The following ZNF326 variants were observed in gnomAD, a reference collection of about 807,000 sequenced individuals.
ZNF326 encodes the protein zinc finger protein 326.
A neutral mutation model predicts 63.1 loss-of-function variants in ZNF326; 30 were observed. The ratio of observed to expected loss-of-function variants is 0.48; its 90% CI spans 0.36 to 0.64. The LOEUF is 0.64. ZNF326 is among the 30% of genes least tolerant of loss of function. ZNF326 has a pLI of 0.00. For synonymous variants in ZNF326, 194 were observed against 228.2 expected, an observed-to-expected ratio of 0.85 and a Z score of 1.35; for missense variants, 609 against 720.3, an observed-to-expected ratio of 0.85 and a Z score of 1.77.
chr1:90,020,153 A>AT (rs1268262593), intron 9 of ZNF326, among the ~76,000 whole-genome samples: 1 of 152,016 alleles, frequency 6.6e-6, no homozygotes, highest in Non-Finnish European at 1.5e-5. Flanking sequence ...TGATCTCATT[A>AT]TTTCAGGAAC....
rs965076068 is a variant in ZNF326 at position 90,035,024 on chromosome 1, G to A, written c.*7323G>A. ...AATACCATAAGCTTGATAGATGCTCGAAAAACATTTCCTAAGATTGAACAC... is the reference window on the plus strand; with the variant it reads ...AATACCATAAGCTTGATAGATGCTCAAAAAACATTTCCTAAGATTGAACAC... On this transcript the variant is annotated 3_prime_UTR_variant, in exon 12 of 12. Coordinates refer to ENST00000340281, the MANE Select transcript of ZNF326 (RefSeq NM_182976.4). 6.6e-6 allele frequency: 1 copy of A among 152,070 alleles called. No individual in the cohort carries two copies. Among genetic ancestry groups the A allele is most frequent in the Non-Finnish European group, 1.5e-5 (1 of 68,000 alleles). The allele number at this position is 152,070 out of a possible 1,614,324, so 9.4% of individuals were successfully genotyped here. A position where few individuals can be genotyped will look rare whatever the true frequency, so the allele number is the denominator to read the frequency against.
intron 11 of ZNF326, among the ~76,000 whole-genome samples, chr1:90,022,974 C>T (rs190581443): frequency 1.2e-4 from 19 of 152,194 alleles, no homozygotes; most frequent in African/African-American, 4.6e-4. Flanking sequence ...TGGAATTTGG[C>T]GGGCGGGAGA....
intron 2 of ZNF326, 111 bp from the exon 3 acceptor site, chr1:90,004,892 G>T: frequency 1.8e-5 from 11 of 598,472 alleles, no homozygotes; most frequent in East Asian, 6.5e-5. Flanking sequence ...TAGTTTAAAT[G>T]TTAATGGTAA....
intron 1 of ZNF326, 151 bp downstream of exon 1, chr1:89,995,424 G>T (rs1418480725): frequency 9.2e-7 from 1 of 1,088,934 alleles, no homozygotes; most frequent in African/African-American, 1.7e-5. Flanking sequence ...CCCGGAGTCG[G>T]CCTCTTTGGG....
Position 90,007,840 on chromosome 1 carries a change from G to A in ZNF326, c.615+90G>A, listed in dbSNP as rs1035944980. ...ATCGTTTTCAACTAGAATAAACACTGTTCATCCCGGTGTATTTTGAAGCAA... is the reference window on the plus strand; with the variant it reads ...ATCGTTTTCAACTAGAATAAACACTATTCATCCCGGTGTATTTTGAAGCAA... On this transcript the variant is annotated intron_variant, in intron 5 of 11. Coordinates refer to ENST00000340281, the MANE Select transcript of ZNF326 (RefSeq NM_182976.4). This position sits in a 1 kb window ranked among gnomAD's most constrained non-coding sequence, Gnocchi z 4.9. 1.6e-6 allele frequency: 2 copies of A among 1,215,582 alleles called. No individual in the cohort carries two copies. The highest frequency in any genetic ancestry group is 1.5e-5 in the African/African-American group (1 of 64,712). 75.3% of individuals were successfully genotyped at this position (1,215,582 alleles called of 1,614,324 possible).
intron 4 of ZNF326, 187 bp downstream of exon 4, chr1:90,005,431 A>G (rs1648941302): frequency 1.5e-6 from 2 of 1,320,034 alleles, no homozygotes; most frequent in Non-Finnish European, 1.9e-6. Context: ...GGCAGACGTT[A>G]TTTTAGGAAA....
intron 5 of ZNF326, among the ~76,000 whole-genome samples, chr1:90,008,723 C>T (rs1455131912): frequency 6.6e-6 from 1 of 152,106 alleles, no homozygotes; most frequent in Non-Finnish European, 1.5e-5. Context: ...GTAGGGTACA[C>T]GTTTTTGACT....
chr1:90,006,318 GT>G, intron 4 of ZNF326: 1 of 976,310 alleles, frequency 1.0e-6, no homozygotes, highest in Non-Finnish European at 1.2e-6. Flanking sequence ...AACACTTAAT[GT>G]TTTAATATGT....
chr1:90,029,770 A>G lies in ZNF326; in HGVS notation c.*2069A>G, dbSNP rs965529425. The G allele has an allele frequency of 6.6e-6, 1 of 151,424 alleles. No individual in the cohort carries two copies. Among genetic ancestry groups the G allele is most frequent in the Non-Finnish European group, 1.5e-5 (1 of 67,928 alleles). The allele number at this position is 151,424 out of a possible 1,614,324, so 9.4% of individuals were successfully genotyped here. A position where few individuals can be genotyped will look rare whatever the true frequency, so the allele number is the denominator to read the frequency against. On this transcript the variant is annotated 3_prime_UTR_variant, in exon 12 of 12. Coordinates refer to ENST00000340281, the MANE Select transcript of ZNF326 (RefSeq NM_182976.4). ...TAAATAGTACTTTTTTGTGGGACGC[A>G]TGAGCCTTTATACAGCCTAGCTAAT...
At chr1:90,016,710 C>A (rs1649519489) in intron 7 of ZNF326, among the ~76,000 whole-genome samples, 1 of 149,870 alleles carries the variant, frequency 6.7e-6, no homozygotes, top group African/African-American at 2.5e-5. Context: ...GAGCGAGGCT[C>A]CATCTCAAAA....
chr1:90,026,667 G>A (rs987919302), intron 11 of ZNF326, among the ~76,000 whole-genome samples: 1 of 152,082 alleles, frequency 6.6e-6, no homozygotes, highest in Non-Finnish European at 1.5e-5. Context: ...TTGGTTCTCT[G>A]CTTCATCCTA....
chr1:90,005,263 T>TG lies in ZNF326; in HGVS notation c.209+21dup. 6.2e-7 allele frequency: 1 copy of TG among 1,602,762 alleles called. No individual in the cohort carries two copies. The stretch of plus-strand genomic sequence containing the variant: ...GTAGCAGGTAAATTGCTTAATCATT[T>TG]GGCCAAATAATTAGACAACTATAAG... On this transcript the variant is annotated intron_variant, in intron 4 of 11. Coordinates refer to ENST00000340281, the MANE Select transcript of ZNF326 (RefSeq NM_182976.4).
chr1:89,998,756 A>G (rs1475092852), intron 2 of ZNF326, among the ~76,000 whole-genome samples: 2 of 152,184 alleles, frequency 1.3e-5, no homozygotes, highest in Non-Finnish European at 2.9e-5. Context: ...CCTGCCACAC[A>G]AGATAATAAT....
rs948081186 is a variant in ZNF326, at chr1:89,996,398, A to T, written c.16+1125A>T. Among the ~76,000 whole-genome samples the T allele has an allele frequency of 5.3e-5, 8 of 152,246 alleles. No homozygotes were observed. In the South Asian group the frequency reaches 1.4e-3, roughly 28 times the overall value. On this transcript the variant is annotated intron_variant, in intron 1 of 11. Coordinates refer to ENST00000340281, the MANE Select transcript of ZNF326 (RefSeq NM_182976.4). ...TTTGATTTTTCATAACATTTCATGC[A>T]ACAAAGAATTAAAGCTTTCATATCT...
intron 2 of ZNF326, among the ~76,000 whole-genome samples, chr1:90,004,241 T>C (rs1380247634): frequency 6.6e-6 from 1 of 152,190 alleles, no homozygotes; most frequent in African/African-American, 2.4e-5. Flanking sequence ...TGTTGAGTCA[T>C]AATTTATAGG....
At chr1:90,020,756 T>A (rs371264861) in intron 9 of ZNF326, 36 bp from the exon 10 acceptor site, 219 of 1,579,788 alleles carry the variant, frequency 1.4e-4, no homozygotes, top group Non-Finnish European at 1.8e-4. Context: ...AAATAACATA[T>A]GAATTATTTC....
At position 90,033,546 on chromosome 1, in the gene ZNF326, G is replaced by C. The variant is rs1348189769; in HGVS notation, c.*5845G>C. On this transcript the variant is annotated 3_prime_UTR_variant, in exon 12 of 12. Transcript: ENST00000340281. ...TGTACTAATTTTAAAAATGCAAGTT[G>C]CTATAAAGAAGTATCTTGGAAATAA... 1 of 152,078 alleles carries C rather than the reference G, an allele frequency of 6.6e-6. No homozygotes were observed. The highest frequency in any genetic ancestry group is 1.5e-5 in the Non-Finnish European group (1 of 67,990). 9.4% of individuals were successfully genotyped at this position (152,078 alleles called of 1,614,324 possible).
rs1650351341 is a variant in ZNF326, at chr1:90,033,299, T to G, written c.*5598T>G. The G allele has an allele frequency of 6.6e-6, 1 of 151,960 alleles. No homozygotes were observed. Among genetic ancestry groups the G allele is most frequent in the Admixed American group, 6.6e-5 (1 of 15,236 alleles). 9.4% of individuals were successfully genotyped at this position (151,960 alleles called of 1,614,324 possible). On this transcript the variant is annotated 3_prime_UTR_variant, in exon 12 of 12. Transcript: ENST00000340281. ...TGACTCCTAGGCTCTCATTTGCAAG[T>G]AGACAAATGAGAAACAGCAAATATT...
intron 2 of ZNF326, among the ~76,000 whole-genome samples, chr1:90,002,141 C>T (rs1388044508): frequency 1.3e-5 from 2 of 152,154 alleles, no homozygotes; most frequent in South Asian, 4.1e-4. Flanking sequence ...CTTACATTAT[C>T]TGTAGCCCTA....
Sources: gnomAD v4.1 joint callset for allele counts (sites outside exome capture counted in the v4.1 genomes callset) on GRCh38, gnomAD v4.1.1 for gene constraint, Gnocchi (gnomAD v3.1) non-coding constraint, MANE v1.5 for transcripts, NCBI Gene and HGNC (gene_info 2026-07-23, HGNC 2026-07-21) for gene names.